The following FAM234A variants were observed in gnomAD, a reference collection of about 807,000 sequenced individuals.
FAM234A encodes protein FAM234A.
A neutral mutation model predicts 49.1 loss-of-function variants in FAM234A; 42 were observed. That is an observed-to-expected ratio of 0.86 (90% CI 0.67 to 1.11). The LOEUF is 1.11. Among genes scored for constraint, FAM234A ranks in the 50% least tolerant of loss-of-function variants. FAM234A has a pLI of 0.00. For missense variants in FAM234A, 815 were observed against 745.2 expected (o/e 1.09, Z -1.09); for synonymous variants, 369 against 316.2 (o/e 1.17, Z -1.77).
chr16:262,337 G>A (rs1051261476), intron 7 of FAM234A, 87 bp from the exon 8 acceptor site: 2 of 1,561,596 alleles, frequency 1.3e-6, no homozygotes, highest in African/African-American at 1.4e-5. Context: ...GAAGCCCAGG[G>A]GCCTGGCTCC....
chr16:236,723 G>A (rs1347147752), intron 1 of FAM234A, among the ~76,000 whole-genome samples: 1 of 149,106 alleles, frequency 6.7e-6, no homozygotes. Flanking sequence ...TGGCTAACAC[G>A]GTGAAACCCC....
intron 3 of FAM234A, among the ~76,000 whole-genome samples, chr16:259,177 G>A (rs988595222): frequency 6.6e-6 from 1 of 152,148 alleles, no homozygotes; most frequent in Non-Finnish European, 1.5e-5. Flanking sequence ...ATGGAGTGTG[G>A]ACTGTCTAGA....
At chr16:237,782 G>T (rs2050454069) in intron 1 of FAM234A, among the ~76,000 whole-genome samples, 1 of 151,006 alleles carries the variant, frequency 6.6e-6, no homozygotes, top group South Asian at 2.1e-4. Flanking sequence ...CGTGATCTTG[G>T]CTCATTCCGC....
At chr16:244,007 C>A (rs1037573927) in intron 1 of FAM234A, among the ~76,000 whole-genome samples, 1 of 150,656 alleles carries the variant, frequency 6.6e-6, no homozygotes, top group Non-Finnish European at 1.5e-5. Flanking sequence ...CTTGCTCTGT[C>A]ACCCAGGCTG....
downstream of FAM234A, chr16:269,375 G>A (rs763434703): frequency 1.4e-5 from 22 of 1,601,870 alleles, no homozygotes; most frequent in African/African-American, 1.3e-4. Context: ...CCACGTAAAC[G>A]GGAACACGCT....
chr16:238,541 C>T lies in FAM234A; in HGVS notation c.-140+3684C>T, dbSNP rs138322909. On this transcript the variant is annotated intron_variant, in intron 1 of 12. Coordinates refer to ENST00000399932, the MANE Select transcript of FAM234A (RefSeq NM_032039.4). ...CAGCCCTTTGGGAGGCCAAGGGGGG[C>T]AGATCATGAGGTCAGGAGATCGAGA... 5.0e-3 allele frequency among the ~76,000 whole-genome samples: 763 copies of T among 151,756 alleles called. 3 individuals carry two copies. Among genetic ancestry groups the T allele is most frequent in the Middle Eastern group, 0.024 (7 of 292 alleles).
At position 254,572 on chromosome 16, in the gene FAM234A, T is replaced by C. The variant is rs2051153192; in HGVS notation, c.159T>C (p.Phe53=). 3 of 1,614,084 alleles carry C rather than the reference T, an allele frequency of 1.9e-6. No individual in the cohort carries two copies. Among genetic ancestry groups the C allele is most frequent in the Non-Finnish European group, 2.5e-6 (3 of 1,180,054 alleles). ...CCCGGTGCCGAGCGGCGGCGTTTTT[T>C]CTTTCATTGTTTCTCTGCCTTTTTG... The part of the protein sequence containing the change: ...RLSRCRAAAF[F]LSLFLCLFVV... Residue 53 remains phenylalanine (F), a synonymous_variant, in exon 3 of 13, where the codon TTT becomes TTC. Transcript: ENST00000399932.
chr16:256,632 G>T (rs1056557862), intron 3 of FAM234A, among the ~76,000 whole-genome samples: 13 of 151,128 alleles, frequency 8.6e-5, no homozygotes, highest in Admixed American at 1.3e-4. Context: ...GTGCAATGGC[G>T]CAATCTCGGC....
chr16:263,246 C>G lies in FAM234A; in HGVS notation c.972-16C>G. On this transcript the variant is annotated splice_polypyrimidine_tract_variant and intron_variant, in intron 8 of 12. Coordinates refer to ENST00000399932, the MANE Select transcript of FAM234A (RefSeq NM_032039.4). ...CCCGGGGACCCGGCGCCCCTTTCTCCCACTCTCCTGTCTAGCTCTGGAGCA... is the reference window on the plus strand; with the variant it reads ...CCCGGGGACCCGGCGCCCCTTTCTCGCACTCTCCTGTCTAGCTCTGGAGCA... The G allele has an allele frequency of 6.2e-7, 1 of 1,609,234 alleles. No homozygotes were observed. Among genetic ancestry groups the G allele is most frequent in the Non-Finnish European group, 8.5e-7 (1 of 1,178,056 alleles).
At chr16:246,246 C>T (rs1375658696) in intron 1 of FAM234A, among the ~76,000 whole-genome samples, 1 of 149,512 alleles carries the variant, frequency 6.7e-6, no homozygotes, top group East Asian at 2.0e-4. Flanking sequence ...ATAATGTTTA[C>T]ATTTTTAATT....
chr16:268,917 G>A (rs1403745488), downstream of FAM234A: 24 of 1,550,544 alleles, frequency 1.5e-5, no homozygotes, highest in Non-Finnish European at 2.1e-5. Context: ...CTGATTTACT[G>A]GTTTTAGAGA....
At chr16:245,563 T>C (rs2050775400) in intron 1 of FAM234A, among the ~76,000 whole-genome samples, 1 of 152,176 alleles carries the variant, frequency 6.6e-6, no homozygotes, top group Non-Finnish European at 1.5e-5. Flanking sequence ...TGGTTTGTTT[T>C]GTGGAGCTAA....
In FAM234A at chr16:264,947, G is replaced by C. The variant is rs765446859; in HGVS notation, c.1584G>C (p.Leu528=). 1 of 1,612,936 alleles carries C rather than the reference G, an allele frequency of 6.2e-7. No homozygotes were observed. Among genetic ancestry groups the C allele is most frequent in the Non-Finnish European group, 8.5e-7 (1 of 1,179,798 alleles). Residue 528 remains leucine, a synonymous_variant, in exon 13 of 13, where the codon CTG becomes CTC. Coordinates refer to ENST00000399932, the MANE Select transcript of FAM234A (RefSeq NM_032039.4). ...TCCCAAGCAGCAGGGTGGTCCGCCT[G>C]GGTGAGGGTGGGCCAGACAGTGACC... ...DLVPSSRVVR[L]GEGGPDSDQA... is the part of the protein sequence containing the mutation.
chr16:268,449 G>C, downstream of FAM234A: 1 of 429,814 alleles, frequency 2.3e-6, no homozygotes. Context: ...AAAGGAGCCA[G>C]CTGTACCTTC....
At chr16:239,670 C>T (rs1400027484) in intron 1 of FAM234A, among the ~76,000 whole-genome samples, 1 of 151,724 alleles carries the variant, frequency 6.6e-6, no homozygotes, top group East Asian at 1.9e-4. Context: ...GGAAATCTGC[C>T]TTGGAATTCA....
At chr16:237,376 T>G (rs1395499067) in intron 1 of FAM234A, among the ~76,000 whole-genome samples, 2 of 152,110 alleles carry the variant, frequency 1.3e-5, no homozygotes, top group African/African-American at 4.8e-5. Context: ...TGACTTCGGG[T>G]CTCATGGAGT....
At chr16:267,638 A>T (rs1374504584), downstream of FAM234A, among the ~76,000 whole-genome samples, 1 of 128,720 alleles carries the variant, frequency 7.8e-6, no homozygotes, top group South Asian at 2.6e-4. Context: ...CACATGCCTC[A>T]TACGACACGT....
In FAM234A at chr16:261,453, T is replaced by C; in HGVS notation, c.647T>C (p.Val216Ala). The change falls in exon 6 of 13, where the codon GTG becomes GCG. Residue 216 changes from valine (V) to alanine (A), a missense_variant. Val to Ala is a moderately conservative substitution (Grantham distance 64, BLOSUM62 0). Transcript: ENST00000399932. ...TCCATCCTGAGCCCTCTGCTGCAGG[T>C]GCCTGATGTGGACGGCGATGGGGCC... ...NASILSPLLQ[V>A]PDVDGDGAPD... 6.2e-7 allele frequency: 1 copy of C among 1,613,532 alleles called. No individual in the cohort carries two copies. Among genetic ancestry groups the C allele is most frequent in the Non-Finnish European group, 8.5e-7 (1 of 1,179,904 alleles).
chr16:266,602 G>C (rs1225269628), downstream of FAM234A, among the ~76,000 whole-genome samples: 1 of 152,188 alleles, frequency 6.6e-6, no homozygotes, highest in Non-Finnish European at 1.5e-5. Context: ...ATGCAAGTGT[G>C]AAAAGCCCCG....
Sources: gnomAD v4.1 joint callset for allele counts (sites outside exome capture counted in the v4.1 genomes callset) on GRCh38, gnomAD v4.1.1 for gene constraint, MANE v1.5 for transcripts, NCBI Gene and HGNC (gene_info 2026-07-23, HGNC 2026-07-21) for gene names.